Variants in ANK3 observed in about 807,000 individuals in gnomAD.
The protein encoded by ANK3 is ankyrin-3.
A neutral mutation model predicts 370.9 loss-of-function variants in ANK3; 57 were observed. The observed-to-expected ratio is 0.15, with a 90% CI of 0.12 to 0.19. The LOEUF (loss-of-function observed/expected upper bound fraction) is 0.19, where lower values mean the gene tolerates loss of function less well. Ranked by LOEUF, ANK3 falls within the 10% of genes least tolerant of loss-of-function variation. The probability of loss-of-function intolerance (pLI) is 1.00; values close to 1 mark genes in which losing one functional copy is unlikely to be tolerated. For missense variants in ANK3, 4,439 were observed against 5,302.1 expected, an observed-to-expected ratio of 0.84 and a Z score of 5.06; for synonymous variants, 1,929 against 1,946.3, an observed-to-expected ratio of 0.99 and a Z score of 0.23.
intron 1 of ANK3, among the ~76,000 whole-genome samples, chr10:60,726,499 T>C (rs1241857187): frequency 6.6e-6 from 1 of 152,206 alleles, no homozygotes; most frequent in Non-Finnish European, 1.5e-5. Context: ...ATAATCCTTA[T>C]ACAAATATTG....
chr10:60,452,289 T>G (rs543193314), intron 2 of ANK3, among the ~76,000 whole-genome samples: 3 of 152,340 alleles, frequency 2.0e-5, no homozygotes, highest in African/African-American at 7.2e-5. Flanking sequence ...CTTATTGATT[T>G]CAGTGTAACC....
intron 1 of ANK3, among the ~76,000 whole-genome samples, chr10:60,724,411 G>A (rs2132028764): frequency 6.6e-6 from 1 of 151,934 alleles, no homozygotes; most frequent in African/African-American, 2.4e-5. Context: ...AATAGAATGT[G>A]ATATATTTGC....
At chr10:60,311,282 C>T (rs1488601936) in intron 1 of ANK3, among the ~76,000 whole-genome samples, 1 of 152,074 alleles carries the variant, frequency 6.6e-6, no homozygotes, top group Non-Finnish European at 1.5e-5. Flanking sequence ...TGGGTACTGC[C>T]GAACTAGCCA....
chr10:60,297,145 T>C (rs193288018), intron 1 of ANK3, among the ~76,000 whole-genome samples: 47 of 152,316 alleles, frequency 3.1e-4, no homozygotes, highest in Admixed American at 2.9e-3. Context: ...AATCAATAAT[T>C]CAAGACTAAA....
chr10:60,034,519 T>C (rs16914579), intron 43 of ANK3, among the ~76,000 whole-genome samples: 6,096 of 152,304 alleles, frequency 0.04, 402 homozygotes, highest in African/African-American at 0.14. Flanking sequence ...TTTTCCAACT[T>C]CATTGTCTTT....
intron 1 of ANK3, among the ~76,000 whole-genome samples, chr10:60,368,534 G>A (rs978268244): frequency 3.3e-5 from 5 of 152,128 alleles, no homozygotes; most frequent in Admixed American, 1.3e-4. Context: ...CTACACAAAG[G>A]GAGTATACAC....
At chr10:60,701,261 A>G (rs2079542015) in intron 1 of ANK3, among the ~76,000 whole-genome samples, 1 of 151,010 alleles carries the variant, frequency 6.6e-6, no homozygotes, top group African/African-American at 2.4e-5. Context: ...AGGCTGTGAG[A>G]AAAAAAAACA....
chr10:60,390,283 TA>T (rs545409120), upstream of ANK3, among the ~76,000 whole-genome samples: 30 of 152,270 alleles, frequency 2.0e-4, no homozygotes, highest in South Asian at 5.0e-3. Flanking sequence ...TGTTGTCTTT[TA>T]AAAACAACAT....
At chr10:60,649,873 A>T (rs1192390055) in intron 1 of ANK3, among the ~76,000 whole-genome samples, 1 of 152,208 alleles carries the variant, frequency 6.6e-6, no homozygotes, top group East Asian at 1.9e-4. Context: ...AGGGTTGGCT[A>T]TGGGACTTGT....
At chr10:60,270,423 A>C (rs2132671834) in intron 4 of ANK3, among the ~76,000 whole-genome samples, 194 bp from the exon 5 acceptor site, 1 of 152,348 alleles carries the variant, frequency 6.6e-6, no homozygotes, top group Non-Finnish European at 1.5e-5. Flanking sequence ...GTAATTCAAA[A>C]TTATATTTCA....
chr10:60,562,459 G>A (rs980742221), intron 2 of ANK3, among the ~76,000 whole-genome samples: 5 of 152,138 alleles, frequency 3.3e-5, no homozygotes, highest in African/African-American at 1.2e-4. Flanking sequence ...TGCCTCCCAG[G>A]CTGGAGTGCA....
intron 2 of ANK3, among the ~76,000 whole-genome samples, chr10:60,435,950 A>T (rs1348483739): frequency 6.6e-6 from 1 of 152,126 alleles, no homozygotes; most frequent in Non-Finnish European, 1.5e-5. Flanking sequence ...AGCCGGGCGC[A>T]GTGGCAGGCG....
In ANK3 at chr10:60,156,393, C is replaced by T. The variant is rs187398665; in HGVS notation, c.2614+10198G>A. On this transcript the variant is annotated intron_variant, in intron 23 of 43. Transcript: ENST00000280772. ...TCCTGATGGGACAAACCCCGTTCTG[C>T]TGAATAGAGTGGCTTTGGCTTGGAA... 9.5e-3 allele frequency among the ~76,000 whole-genome samples: 1,454 copies of T among 152,316 alleles called. 19 individuals are homozygous for T. Among genetic ancestry groups the T allele is most frequent in the African/African-American group, 0.033 (1,353 of 41,564 alleles).
chr10:60,502,196 CA>C (rs1208168252), intron 2 of ANK3, among the ~76,000 whole-genome samples: 1 of 152,166 alleles, frequency 6.6e-6, no homozygotes, highest in African/African-American at 2.4e-5. Context: ...ACTAGAGCTA[CA>C]GGGACAGTTC....
intron 1 of ANK3, among the ~76,000 whole-genome samples, chr10:60,307,218 G>A (rs2045334673): frequency 6.6e-6 from 1 of 152,212 alleles, no homozygotes; most frequent in African/African-American, 2.4e-5. Context: ...AGTTGTCAGA[G>A]ACTGTTTGGC....
intron 7 of ANK3, among the ~76,000 whole-genome samples, chr10:60,254,138 TATA>T (rs887501679): frequency 6.6e-6 from 1 of 152,182 alleles, no homozygotes; most frequent in Admixed American, 6.5e-5. Context: ...TCTCTAGATT[TATA>T]ATGACTAATA....
intron 2 of ANK3, among the ~76,000 whole-genome samples, chr10:60,580,435 A>G (rs2077735768): frequency 6.6e-6 from 1 of 152,236 alleles, no homozygotes; most frequent in Non-Finnish European, 1.5e-5. Flanking sequence ...TACCACTGCT[A>G]TTATAAACAT....
chr10:60,606,720 G>A (rs1163761096), intron 2 of ANK3, among the ~76,000 whole-genome samples: 1 of 152,164 alleles, frequency 6.6e-6, no homozygotes, highest in Non-Finnish European at 1.5e-5. Context: ...AGAGGAGTCT[G>A]AGAAGAAACA....
chr10:60,285,613 A>C (rs994521323), intron 1 of ANK3, among the ~76,000 whole-genome samples: 1 of 151,260 alleles, frequency 6.6e-6, no homozygotes, highest in African/African-American at 2.4e-5. Flanking sequence ...CAGAACTCAC[A>C]TTTCTTTCCT....
Sources: gnomAD v4.1 joint callset for allele counts (sites outside exome capture counted in the v4.1 genomes callset) on GRCh38, gnomAD v4.1.1 for gene constraint, MANE v1.5 for transcripts, NCBI Gene and HGNC (gene_info 2026-07-23, HGNC 2026-07-21) for gene names.